Variants in ADAMTS19 observed in about 807,000 individuals in gnomAD.
ADAMTS19 encodes the protein A disintegrin and metalloproteinase with thrombospondin motifs 19.
A neutral mutation model predicts 153.3 loss-of-function variants in ADAMTS19; 93 were observed. The ratio of observed to expected loss-of-function variants is 0.61; its 90% CI spans 0.51 to 0.72. The LOEUF (loss-of-function observed/expected upper bound fraction) is 0.72, where lower values mean the gene tolerates loss of function less well. Among genes scored for constraint, ADAMTS19 ranks in the 30% least tolerant of loss-of-function variants. ADAMTS19 has a pLI of 0.00. For synonymous variants in ADAMTS19, 600 were observed against 556.6 expected, an observed-to-expected ratio of 1.08 and a Z score of -1.10; for missense variants, 1,482 against 1,552.1, an observed-to-expected ratio of 0.95 and a Z score of 0.76.
chr5:129,502,237 G>C (rs1413597232), intron 2 of ADAMTS19, among the ~76,000 whole-genome samples: 3 of 152,020 alleles, frequency 2.0e-5, no homozygotes, highest in East Asian at 3.9e-4. Context: ...GCAGAGAGGG[G>C]AATAAAAAAG....
chr5:129,684,924 T>C (rs138570194), intron 18 of ADAMTS19, among the ~76,000 whole-genome samples: 401 of 151,736 alleles, frequency 2.6e-3, no homozygotes, highest in African/African-American at 9.2e-3. Flanking sequence ...GAGACGGGGC[T>C]TGCAGTGAGC....
intron 18 of ADAMTS19, among the ~76,000 whole-genome samples, chr5:129,692,648 G>C (rs934483991): frequency 6.6e-6 from 1 of 152,178 alleles, no homozygotes; most frequent in East Asian, 1.9e-4. Flanking sequence ...CAGCCAAGGG[G>C]ACTGCAATCC....
chr5:129,509,092 C>T lies in ADAMTS19; in HGVS notation c.763C>T (p.Leu255Phe), dbSNP rs1400934808. Residue 255 changes from leucine (L) to phenylalanine (F), a missense_variant, in exon 3 of 23, where the codon CTC becomes TTC. By Grantham distance (22) the Leu-to-Phe change is conservative. Transcript: ENST00000274487. ...CGGGLMGFIQ[L>F]NEDFIFIEPL... ...TATATTCCAGATGGGATTTATACAG[C>T]TCAATGAGGACTTCATATTTATTGA... 1.2e-6 allele frequency: 2 copies of T among 1,608,812 alleles called. No individual in the cohort carries two copies. The highest frequency in any genetic ancestry group is 2.7e-5 in the African/African-American group (2 of 74,740).
chr5:129,547,995 C>T (rs1752924528), intron 6 of ADAMTS19, among the ~76,000 whole-genome samples: 2 of 150,656 alleles, frequency 1.3e-5, no homozygotes, highest in South Asian at 2.1e-4. Flanking sequence ...AAACTGGATC[C>T]CTTCCTTACA....
intron 2 of ADAMTS19, among the ~76,000 whole-genome samples, chr5:129,471,765 C>T (rs987806517): frequency 1.3e-5 from 2 of 152,118 alleles, no homozygotes; most frequent in African/African-American, 2.4e-5. Flanking sequence ...TCCATGTGTT[C>T]TCATCATTTA....
chr5:129,601,334 G>A (rs1025580514), intron 8 of ADAMTS19, among the ~76,000 whole-genome samples: 12 of 151,934 alleles, frequency 7.9e-5, no homozygotes, highest in African/African-American at 2.9e-4. Context: ...AGTTTTTCAT[G>A]AATTTGATGT....
chr5:129,570,399 TTATTAAA>T (rs1753855117), intron 7 of ADAMTS19, among the ~76,000 whole-genome samples: 2 of 151,934 alleles, frequency 1.3e-5, no homozygotes, highest in African/African-American at 4.8e-5. Flanking sequence ...CTGAGCAGTC[TTATTAAA>T]TATTAAAGAA....
Position 129,737,360 on chromosome 5 carries a change from C to A in ADAMTS19, c.*142C>A. On this transcript the variant is annotated 3_prime_UTR_variant, in exon 23 of 23. Transcript: ENST00000274487. ...TTTATTTTTTTGCCTGCCAAACATCCAATGTGGTGCTTGTTTTGGTTACAC... is the reference window on the plus strand; with the variant it reads ...TTTATTTTTTTGCCTGCCAAACATCAAATGTGGTGCTTGTTTTGGTTACAC... 1.2e-6 allele frequency: 1 copy of A among 839,362 alleles called. No homozygotes were observed. Among genetic ancestry groups the A allele is most frequent in the Non-Finnish European group, 1.6e-6 (1 of 613,002 alleles). 52.0% of individuals were successfully genotyped at this position (839,362 alleles called of 1,614,324 possible). A position where few individuals can be genotyped will look rare whatever the true frequency, so the allele number is the denominator to read the frequency against.
At chr5:129,589,529 A>G (rs759092963) in intron 7 of ADAMTS19, among the ~76,000 whole-genome samples, 1 of 152,098 alleles carries the variant, frequency 6.6e-6, no homozygotes, top group Non-Finnish European at 1.5e-5. Flanking sequence ...CAGATCAGTG[A>G]AAGTTTTTAT....
At chr5:129,540,762 TG>T (rs1355204251) in intron 6 of ADAMTS19, among the ~76,000 whole-genome samples, 1 of 152,084 alleles carries the variant, frequency 6.6e-6, no homozygotes, top group Non-Finnish European at 1.5e-5. Flanking sequence ...TCTTCATTCT[TG>T]GAAATTAAAG....
At chr5:129,475,948 G>A (rs1315101531) in intron 2 of ADAMTS19, among the ~76,000 whole-genome samples, 1 of 152,198 alleles carries the variant, frequency 6.6e-6, no homozygotes, top group East Asian at 1.9e-4. Context: ...GAGGGTTTAA[G>A]CTTAATCTGA....
At chr5:129,668,575 T>C (rs1754156586) in intron 16 of ADAMTS19, among the ~76,000 whole-genome samples, 2 of 152,266 alleles carry the variant, frequency 1.3e-5, no homozygotes, top group African/African-American at 4.8e-5. Flanking sequence ...AGCGCTCTTA[T>C]GACCTAATCA....
intron 2 of ADAMTS19, among the ~76,000 whole-genome samples, chr5:129,469,898 A>G (rs112651423): frequency 0.024 from 3,647 of 152,266 alleles, 150 homozygotes; most frequent in African/African-American, 0.082. Context: ...TGGATAATAT[A>G]GTTACATGTG....
At chr5:129,670,462 T>C (rs1221430408) in intron 16 of ADAMTS19, among the ~76,000 whole-genome samples, 1 of 152,176 alleles carries the variant, frequency 6.6e-6, no homozygotes, top group Non-Finnish European at 1.5e-5. Context: ...TTTTAAAATC[T>C]GGTAATAGAG....
At position 129,686,247 on chromosome 5, in the gene ADAMTS19, G is replaced by A. The variant is rs190270801; in HGVS notation, c.2818+1974G>A. ...TAAAGTAAGAGAGGAGTAAGTGCTT[G>A]ACCTGAGGTTGTATGCAAGAGGCTG... On this transcript the variant is annotated intron_variant, in intron 18 of 22. Transcript: ENST00000274487. Among the ~76,000 whole-genome samples the A allele has an allele frequency of 2.3e-4, 35 of 152,218 alleles. 1 individual carries two copies. The East Asian group carries it at 6.6e-3, about 29-fold the overall frequency.
At chr5:129,516,890 T>C (rs1751632454) in intron 3 of ADAMTS19, among the ~76,000 whole-genome samples, 1 of 145,030 alleles carries the variant, frequency 6.9e-6, no homozygotes, top group Admixed American at 6.9e-5. Context: ...GATTTTTCCT[T>C]TTTTTTTTTT....
At chr5:129,666,412 T>A (rs964918023) in intron 16 of ADAMTS19, among the ~76,000 whole-genome samples, 1 of 141,700 alleles carries the variant, frequency 7.1e-6, no homozygotes. Flanking sequence ...CTCAAGCCTA[T>A]TTTTTTAACA....
intron 3 of ADAMTS19, among the ~76,000 whole-genome samples, chr5:129,519,171 G>A (rs958508866): frequency 5.3e-5 from 8 of 152,180 alleles, no homozygotes; most frequent in African/African-American, 1.2e-4. Context: ...GTTATTCAGC[G>A]CTTTTCAGTT....
intron 3 of ADAMTS19, among the ~76,000 whole-genome samples, chr5:129,518,071 C>T (rs775807325): frequency 3.3e-5 from 5 of 152,016 alleles, no homozygotes; most frequent in Non-Finnish European, 7.4e-5. Flanking sequence ...AAAAAGAAAT[C>T]CAACAAAAAC....
Sources: gnomAD v4.1 joint callset for allele counts (sites outside exome capture counted in the v4.1 genomes callset) on GRCh38, gnomAD v4.1.1 for gene constraint, MANE v1.5 for transcripts, NCBI Gene and HGNC (gene_info 2026-07-23, HGNC 2026-07-21) for gene names.